Variants in LRSAM1 observed in about 807,000 individuals in gnomAD.
LRSAM1 encodes the protein E3 ubiquitin-protein ligase LRSAM1.
Under a neutral mutation model 118.1 loss-of-function variants are expected in LRSAM1, and 96 were observed. The observed-to-expected ratio is 0.81, with a 90% CI of 0.69 to 0.96. The LOEUF (loss-of-function observed/expected upper bound fraction) is 0.96, where lower values mean the gene tolerates loss of function less well. Among genes scored for constraint, LRSAM1 ranks in the 40% least tolerant of loss-of-function variants. The probability of loss-of-function intolerance (pLI) is 0.00; values close to 1 mark genes in which losing one functional copy is unlikely to be tolerated. For missense variants in LRSAM1, 804 were observed against 915.5 expected (o/e 0.88, Z 1.57); for synonymous variants, 322 against 364.2 (o/e 0.88, Z 1.32).
intron 24 of LRSAM1, among the ~76,000 whole-genome samples, chr9:127,499,309 G>T (rs1001273341): frequency 3.9e-5 from 6 of 152,064 alleles, no homozygotes; most frequent in African/African-American, 1.4e-4. Flanking sequence ...GGGAGGTCGA[G>T]GCTGCAGTGA....
chr9:127,491,429 C>G, intron 20 of LRSAM1, 134 bp downstream of exon 20: 1 of 734,120 alleles, frequency 1.4e-6, no homozygotes, highest in Admixed American at 2.1e-5. Flanking sequence ...GGCAGAGCTC[C>G]TCTGTGGCTG....
chr9:127,499,529 T>TA lies in LRSAM1; in HGVS notation c.1913-1472dup, dbSNP rs34940320. Among the ~76,000 whole-genome samples, 695 of 114,980 alleles carry TA rather than the reference T, an allele frequency of 6.0e-3. 4 individuals are homozygous for TA. The highest frequency in any genetic ancestry group is 0.018 in the African/African-American group (611 of 33,884). 75.4% of individuals were successfully genotyped at this position (114,980 alleles called of 152,430 possible). A position where few individuals can be genotyped will look rare whatever the true frequency, so the allele number is the denominator to read the frequency against. ...CTGGGTGACAGAGCAAGACCCTGTC[T>TA]AAAAAAAAATATATATATATATATA... On this transcript the variant is annotated intron_variant, in intron 24 of 25. Coordinates refer to ENST00000300417, the MANE Select transcript of LRSAM1 (RefSeq NM_001005373.4).
chr9:127,502,623 G>T (rs1310263383), intron 25 of LRSAM1, 151 bp from the exon 26 acceptor site: 2 of 944,616 alleles, frequency 2.1e-6, no homozygotes, highest in Non-Finnish European at 3.1e-6. Context: ...GGAGGCTGAG[G>T]TTGCAGTGAG....
chr9:127,479,030 T>C (rs1835434532), intron 12 of LRSAM1, 67 bp downstream of exon 12: 3 of 1,521,622 alleles, frequency 2.0e-6, no homozygotes, highest in Admixed American at 1.7e-5. Context: ...ACTCATAAAA[T>C]ATTTGAGAAA....
At chr9:127,489,391 C>G in intron 18 of LRSAM1, 53 bp from the exon 19 acceptor site, 1 of 1,567,566 alleles carries the variant, frequency 6.4e-7, no homozygotes, top group Non-Finnish European at 8.7e-7. Flanking sequence ...GATGGGGCTG[C>G]AGGGAAAAGT....
At chr9:127,473,961 C>T in intron 11 of LRSAM1, 30 bp downstream of exon 11, 1 of 1,613,724 alleles carries the variant, frequency 6.2e-7, no homozygotes, top group South Asian at 1.1e-5. Flanking sequence ...TGCACGCATA[C>T]ATGTGTGTGT....
At chr9:127,486,248 G>T (rs1299566834) in intron 17 of LRSAM1, among the ~76,000 whole-genome samples, 1 of 152,222 alleles carries the variant, frequency 6.6e-6, no homozygotes, top group East Asian at 1.9e-4. Flanking sequence ...GAGGGGAGGG[G>T]TGTGCTCTTG....
chr9:127,466,496 ATATATATATTT>A (rs1834939358), intron 9 of LRSAM1, among the ~76,000 whole-genome samples: 1 of 19,134 alleles, frequency 5.2e-5, no homozygotes, highest in African/African-American at 2.3e-4. Context: ...ATATATATAT[ATATATATATTT>A]TTTTTTTTTT....
chr9:127,481,136 A>G, intron 14 of LRSAM1, 47 bp from the exon 15 acceptor site: 1 of 1,608,866 alleles, frequency 6.2e-7, no homozygotes, highest in Non-Finnish European at 8.5e-7. Flanking sequence ...GAGACAGGAA[A>G]CAGGCCTGCT....
chr9:127,475,324 C>T (rs1471238049), intron 11 of LRSAM1, among the ~76,000 whole-genome samples: 1 of 152,042 alleles, frequency 6.6e-6, no homozygotes, highest in Non-Finnish European at 1.5e-5. Flanking sequence ...AACCCTGTCT[C>T]TACTGAAAAT....
At chr9:127,479,531 A>G in intron 13 of LRSAM1, 26 bp downstream of exon 13, 1 of 1,612,820 alleles carries the variant, frequency 6.2e-7, no homozygotes, top group African/African-American at 1.3e-5. Context: ...GCTAGGGTCC[A>G]GCCTGGCTGC....
intron 15 of LRSAM1, among the ~76,000 whole-genome samples, chr9:127,482,025 A>T (rs2132070432): frequency 6.6e-6 from 1 of 152,336 alleles, no homozygotes; most frequent in African/African-American, 2.4e-5. Flanking sequence ...GTATGGAGGA[A>T]TAACCTGCAG....
Position 127,501,041 on chromosome 9 carries a change from C to G in LRSAM1, c.1944C>G (p.Thr648=). 6.2e-7 allele frequency: 1 copy of G among 1,613,996 alleles called. No individual in the cohort carries two copies. Among genetic ancestry groups the G allele is most frequent in the East Asian group, 2.2e-5 (1 of 44,846 alleles). The change falls in exon 25 of 26, where the codon ACC becomes ACG. Residue 648 remains threonine (T), a synonymous_variant. Transcript: ENST00000300417. ...ELKPPMGEVV[T]PTAPQEPPES... ...AACCACCAATGGGTGAGGTCGTCAC[C>G]CCTACGGCCCCCCAGGAGCCTCCTG...
At chr9:127,475,307 G>A (rs956612937) in intron 11 of LRSAM1, among the ~76,000 whole-genome samples, 3 of 152,002 alleles carry the variant, frequency 2.0e-5, no homozygotes, top group Non-Finnish European at 2.9e-5. Context: ...CTTGGCCAAC[G>A]TAGTAAAACC....
rs1185949155 is a variant in LRSAM1 at position 127,468,810 on chromosome 9, C to CAAAA, written c.619+1006_619+1009dup. Among the ~76,000 whole-genome samples, 12 of 16,436 alleles carry CAAAA rather than the reference C, an allele frequency of 7.3e-4. 1 individual carries two copies. The highest frequency in any genetic ancestry group is 8.5e-4 in the Non-Finnish European group (6 of 7,056). 10.8% of individuals were successfully genotyped at this position (16,436 alleles called of 152,430 possible). On this transcript the variant is annotated intron_variant, in intron 10 of 25. Transcript: ENST00000300417. The stretch of plus-strand genomic sequence containing the variant: ...GCAACATGGTGAAACCCTGTCTCTA[C>CAAAA]AAAAAAAAAAAAAAAAAAAAAAAAA...
intron 23 of LRSAM1, 50 bp downstream of exon 23, chr9:127,496,145 C>G (rs1836135589): frequency 1.3e-6 from 2 of 1,598,362 alleles, no homozygotes. Flanking sequence ...AGGCCGCTGT[C>G]CTGACCAGCC....
Position 127,459,012 on chromosome 9 carries a change from C to A in LRSAM1, c.262C>A (p.Leu88Ile), listed in dbSNP as rs757094037. 1.1e-5 allele frequency: 17 copies of A among 1,613,816 alleles called. No individual in the cohort carries two copies. The highest frequency in any genetic ancestry group is 1.4e-5 in the Non-Finnish European group (17 of 1,180,008). Reference sequence around the variant, plus strand: ...GGTCTTTCTTCTGCAGGTTCTAGATCTCCACGATAATCAGCTGACAGCCCT... The same window carrying A: ...GGTCTTTCTTCTGCAGGTTCTAGATATCCACGATAATCAGCTGACAGCCCT... Reference protein sequence around the residue: ...LSLATIKVLDLHDNQLTALPD... With the variant: ...LSLATIKVLDIHDNQLTALPD... The change falls in exon 7 of 26, where the codon CTC becomes ATC. Residue 88 changes from leucine to isoleucine, a missense_variant. Transcript: ENST00000300417.
At chr9:127,489,339 A>T in intron 18 of LRSAM1, 105 bp from the exon 19 acceptor site, 1 of 1,332,230 alleles carries the variant, frequency 7.5e-7, no homozygotes, top group Non-Finnish European at 1.0e-6. Flanking sequence ...GAAAAAACCC[A>T]TCCATTAAGG....
At position 127,473,289 on chromosome 9, in the gene LRSAM1, G is replaced by GTTGTATA. The variant is rs1835239941; in HGVS notation, c.620-512_620-511insTTGTATA. ...AAAGACCAGTTACCACCTGGAAGAAGATAGTTACAACATATTATAGACCTA... is the reference window on the plus strand; with the variant it reads ...AAAGACCAGTTACCACCTGGAAGAAGTTGTATAATAGTTACAACATATTATAGACCTA... On this transcript the variant is annotated intron_variant, in intron 10 of 25. Coordinates refer to ENST00000300417, the MANE Select transcript of LRSAM1 (RefSeq NM_001005373.4). 2.0e-5 allele frequency among the ~76,000 whole-genome samples: 3 copies of GTTGTATA among 152,330 alleles called. No homozygotes were observed. The South Asian group carries it at 6.2e-4, about 32-fold the overall frequency.
Sources: allele counts gnomAD v4.1 joint callset (sites outside exome capture counted in the v4.1 genomes callset), GRCh38; gene constraint gnomAD v4.1.1; transcripts MANE v1.5; gene names NCBI Gene and HGNC (gene_info 2026-07-23, HGNC 2026-07-21).